Variants in CHST12 observed in about 807,000 individuals in gnomAD.
The protein encoded by CHST12 is carbohydrate sulfotransferase 12.
Under a neutral mutation model 27.9 loss-of-function variants are expected in CHST12, and 23 were observed. The ratio of observed to expected loss-of-function variants is 0.82; its 90% CI spans 0.59 to 1.17. CHST12 has a LOEUF of 1.17. CHST12 is among the 50% of genes most tolerant of loss of function. CHST12 has a pLI of 0.00. For missense variants in CHST12, 682 were observed against 603.0 expected (o/e 1.13, Z -1.37); for synonymous variants, 322 against 273.0 (o/e 1.18, Z -1.77).
chr7:2,408,347 G>GGT (rs935595610), intron 1 of CHST12, among the ~76,000 whole-genome samples: 6 of 129,262 alleles, frequency 4.6e-5, no homozygotes, highest in Non-Finnish European at 9.3e-5. Flanking sequence ...GGGCAACAAG[G>GGT]GTGAGACTCC....
At chr7:2,420,111 C>A (rs1385675481) in intron 1 of CHST12, among the ~76,000 whole-genome samples, 1 of 151,104 alleles carries the variant, frequency 6.6e-6, no homozygotes, top group Admixed American at 6.6e-5. Flanking sequence ...GTAGCTGAGA[C>A]TACAGGCGCC....
At chr7:2,427,609 A>C (rs2115430143) in intron 1 of CHST12, among the ~76,000 whole-genome samples, 1 of 152,214 alleles carries the variant, frequency 6.6e-6, no homozygotes, top group African/African-American at 2.4e-5. Context: ...AAAATGGTAC[A>C]GCTGTAGGGT....
At chr7:2,405,800 CA>C (rs1223964684) in intron 1 of CHST12, among the ~76,000 whole-genome samples, 1 of 152,158 alleles carries the variant, frequency 6.6e-6, no homozygotes, top group African/African-American at 2.4e-5. Flanking sequence ...AAGGGCCACA[CA>C]AACACACGTG....
At chr7:2,424,784 G>A (rs192701981) in intron 1 of CHST12, among the ~76,000 whole-genome samples, 47 of 152,200 alleles carry the variant, frequency 3.1e-4, no homozygotes, top group African/African-American at 8.9e-4. Flanking sequence ...AATCCTCCTC[G>A]TCCTGAACAG....
At chr7:2,403,479 G>A (rs1251779763), upstream of CHST12, 1 of 151,972 alleles carries the variant, frequency 6.6e-6, no homozygotes, top group Non-Finnish European at 1.5e-5. Context: ...GGGCGCAGGC[G>A]CGCTGAGGGC....
chr7:2,433,296 C>G lies in CHST12; in HGVS notation c.657C>G (p.Phe219Leu). 1.9e-6 allele frequency: 3 copies of G among 1,612,430 alleles called. No individual in the cohort carries two copies. The highest frequency in any genetic ancestry group is 1.7e-6 in the Non-Finnish European group (2 of 1,179,204). Residue 219 changes from phenylalanine (F) to leucine (L), a missense_variant, in exon 2 of 2, where the codon TTC becomes TTG. By Grantham distance (22) the Phe-to-Leu change is conservative. Coordinates refer to ENST00000618655, the MANE Select transcript of CHST12 (RefSeq NM_018641.5). This position sits in a 1 kb window ranked among gnomAD's most constrained non-coding sequence, Gnocchi z 6.1. ...GCGCGCACCTGACCTTCAACAAGTT[C>G]TGGCGCCGCTACGGGAAGCTCTCCC... ...NASAHLTFNK[F>L]WRRYGKLSRH...
chr7:2,420,322 A>G (rs920019935), intron 1 of CHST12, among the ~76,000 whole-genome samples: 8 of 152,164 alleles, frequency 5.3e-5, no homozygotes, highest in African/African-American at 1.9e-4. Flanking sequence ...TAATGTCTTC[A>G]GGGTTCATCC....
At position 2,447,443 on chromosome 7, in the gene CHST12, C is replaced by G. The variant is rs1782783065; in HGVS notation, c.*13559C>G. 6.6e-6 allele frequency: 1 copy of G among 152,314 alleles called. No homozygotes were observed. The highest frequency in any genetic ancestry group is 2.4e-5 in the African/African-American group (1 of 41,466). The allele number at this position is 152,314 out of a possible 1,614,324, so 9.4% of individuals were successfully genotyped here. A position where few individuals can be genotyped will look rare whatever the true frequency, so the allele number is the denominator to read the frequency against. ...AAGGTACTTCTTGCTGTGGTCCCCACACTCTGACACCCTCTTCTGAAATGA... is the reference window on the plus strand; with the variant it reads ...AAGGTACTTCTTGCTGTGGTCCCCAGACTCTGACACCCTCTTCTGAAATGA... On this transcript the variant is annotated 3_prime_UTR_variant, in exon 2 of 2. Coordinates refer to ENST00000618655, the MANE Select transcript of CHST12 (RefSeq NM_018641.5).
In CHST12 at chr7:2,434,964, C is replaced by G. The variant is rs1366502122; in HGVS notation, c.*1080C>G. 6.6e-6 allele frequency: 1 copy of G among 152,098 alleles called. No homozygotes were observed. Among genetic ancestry groups the G allele is most frequent in the Non-Finnish European group, 1.5e-5 (1 of 68,114 alleles). 9.4% of individuals were successfully genotyped at this position (152,098 alleles called of 1,614,324 possible). ...GACGTGGTGGTGCACATCTGTAAAC[C>G]CAGCTACTCAGGAGGCTGAGGAGGG... On this transcript the variant is annotated 3_prime_UTR_variant, in exon 2 of 2. Transcript: ENST00000618655.
intron 1 of CHST12, among the ~76,000 whole-genome samples, chr7:2,411,122 T>C (rs994625834): frequency 6.6e-6 from 1 of 152,130 alleles, no homozygotes. Context: ...TCATCCAGGC[T>C]GGAGGGCTGG....
rs1303749774 is a variant in CHST12 at position 2,448,300 on chromosome 7, C to T, written c.*14416C>T. 3.3e-5 allele frequency: 5 copies of T among 152,236 alleles called. No homozygotes were observed. Among genetic ancestry groups the T allele is most frequent in the Non-Finnish European group, 7.3e-5 (5 of 68,070 alleles). The allele number at this position is 152,236 out of a possible 1,614,324, so 9.4% of individuals were successfully genotyped here. A position where few individuals can be genotyped will look rare whatever the true frequency, so the allele number is the denominator to read the frequency against. Reference sequence around the variant, plus strand: ...CCTTGCACCCCTTGAATGGCGGGCTCCCTCTCCCATAGCCCCTGCCAGGCT... The same window carrying T: ...CCTTGCACCCCTTGAATGGCGGGCTTCCTCTCCCATAGCCCCTGCCAGGCT... On this transcript the variant is annotated 3_prime_UTR_variant, in exon 2 of 2. Coordinates refer to ENST00000618655, the MANE Select transcript of CHST12 (RefSeq NM_018641.5).
Position 2,447,792 on chromosome 7 carries a change from T to G in CHST12, c.*13908T>G, listed in dbSNP as rs566465128. 8 of 151,156 alleles carry G rather than the reference T, an allele frequency of 5.3e-5. No individual in the cohort carries two copies. The highest frequency in any genetic ancestry group is 4.6e-4 in the Admixed American group (7 of 15,150). 9.4% of individuals were successfully genotyped at this position (151,156 alleles called of 1,614,324 possible). ...CCGGCCACAAACACTTTTTTTTTTT[T>G]AAACAAGTGAAAACAAGTTTATTAA... On this transcript the variant is annotated 3_prime_UTR_variant, in exon 2 of 2. Transcript: ENST00000618655.
chr7:2,408,652 A>G (rs113703939), intron 1 of CHST12, among the ~76,000 whole-genome samples: 2 of 152,132 alleles, frequency 1.3e-5, no homozygotes, highest in Non-Finnish European at 2.9e-5. Context: ...GGAAGTCTAC[A>G]CTCAGGCAAG....
chr7:2,406,753 C>T (rs1275349056), intron 1 of CHST12, among the ~76,000 whole-genome samples: 1 of 152,148 alleles, frequency 6.6e-6, no homozygotes, highest in African/African-American at 2.4e-5. Context: ...TCATTAATAA[C>T]CCCCTCCCAG....
At chr7:2,419,702 C>T (rs1297488596) in intron 1 of CHST12, among the ~76,000 whole-genome samples, 7 of 136,394 alleles carry the variant, frequency 5.1e-5, no homozygotes, top group Admixed American at 2.2e-4. Context: ...AGCAAAACTC[C>T]GTCTCAAAAA....
intron 1 of CHST12, among the ~76,000 whole-genome samples, chr7:2,427,155 G>C (rs754112519): frequency 7.1e-6 from 1 of 140,790 alleles, no homozygotes; most frequent in Non-Finnish European, 1.5e-5. Flanking sequence ...ACTGCACTCC[G>C]GCCTGGGTGA....
chr7:2,427,275 G>A (rs1217502793), intron 1 of CHST12, among the ~76,000 whole-genome samples: 1 of 152,180 alleles, frequency 6.6e-6, no homozygotes, highest in Non-Finnish European at 1.5e-5. Flanking sequence ...GAGGTGGCCA[G>A]CTTGCTAGAG....
chr7:2,416,827 G>T (rs1024782271), intron 1 of CHST12, among the ~76,000 whole-genome samples: 1 of 152,178 alleles, frequency 6.6e-6, no homozygotes, highest in African/African-American at 2.4e-5. Flanking sequence ...GTACCATTCA[G>T]TGAATCTACA....
At chr7:2,404,152 C>G (rs1035896859) in intron 1 of CHST12, 2 of 152,640 alleles carry the variant, frequency 1.3e-5, no homozygotes, top group Admixed American at 6.5e-5. Context: ...GAACGGGGCT[C>G]CCCGGCCCCG....
Sources: gnomAD v4.1 joint callset for allele counts (sites outside exome capture counted in the v4.1 genomes callset) on GRCh38, gnomAD v4.1.1 for gene constraint, Gnocchi (gnomAD v3.1) non-coding constraint, MANE v1.5 for transcripts, NCBI Gene and HGNC (gene_info 2026-07-23, HGNC 2026-07-21) for gene names.